Variants in GRIK2 observed in about 807,000 individuals in gnomAD.
GRIK2 encodes the protein glutamate receptor ionotropic, kainate 2.
In GRIK2, 32 loss-of-function variants were observed where a neutral mutation model predicts 100.3. The ratio of observed to expected loss-of-function variants is 0.32; its 90% CI spans 0.24 to 0.43. The LOEUF (loss-of-function observed/expected upper bound fraction) is 0.43, where lower values mean the gene tolerates loss of function less well. GRIK2 is among the 20% of genes least tolerant of loss of function. GRIK2 has a pLI of 1.00. For missense variants in GRIK2, 843 were observed against 1,114.9 expected, an observed-to-expected ratio of 0.76 and a Z score of 3.47; for synonymous variants, 417 against 389.4, an observed-to-expected ratio of 1.07 and a Z score of -0.83.
At chr6:101,429,003 T>G (rs1014266074) in intron 2 of GRIK2, among the ~76,000 whole-genome samples, 1 of 152,226 alleles carries the variant, frequency 6.6e-6, no homozygotes, top group Non-Finnish European at 1.5e-5. Context: ...ACTTTTTAAT[T>G]AACTACAACT....
In GRIK2 at chr6:101,695,672, A is replaced by T. The variant is rs189502621; in HGVS notation, c.951+9319A>T. ...ATATGCAAATGCTCTTTGACTTATG[A>T]CAGGATTGCATGTTTATAAACCCAT... On this transcript the variant is annotated intron_variant, in intron 7 of 16. Transcript: ENST00000369134. Among the ~76,000 whole-genome samples, 279 of 152,200 alleles carry T rather than the reference A, an allele frequency of 1.8e-3. 2 individuals carry two copies. The highest frequency in any genetic ancestry group is 6.1e-3 in the African/African-American group (255 of 41,544).
intron 2 of GRIK2, among the ~76,000 whole-genome samples, chr6:101,519,167 A>T (rs1017032110): frequency 6.6e-6 from 1 of 152,144 alleles, no homozygotes; most frequent in African/African-American, 2.4e-5. Flanking sequence ...AATTTCGGGT[A>T]TACTAGCATG....
chr6:102,055,055 C>T (rs551590257), intron 15 of GRIK2, among the ~76,000 whole-genome samples: 51 of 152,228 alleles, frequency 3.4e-4, no homozygotes, highest in Admixed American at 3.1e-3. Flanking sequence ...TTCTTTCTTA[C>T]TGTTTTACAA....
intron 2 of GRIK2, among the ~76,000 whole-genome samples, chr6:101,483,172 T>C (rs1772627417): frequency 6.6e-6 from 1 of 152,208 alleles, no homozygotes; most frequent in African/African-American, 2.4e-5. Flanking sequence ...TTTATTTTGT[T>C]TCTTCATAGA....
At chr6:101,928,684 A>T (rs1187576487) in intron 14 of GRIK2, 52 bp downstream of exon 14, 1 of 870,056 alleles carries the variant, frequency 1.1e-6, no homozygotes, top group Non-Finnish European at 2.0e-6. Context: ...TAGAGCGCAA[A>T]CTTCTCTCGA....
At chr6:101,702,741 A>G (rs1006042588) in intron 7 of GRIK2, among the ~76,000 whole-genome samples, 1 of 151,794 alleles carries the variant, frequency 6.6e-6, no homozygotes, top group African/African-American at 2.4e-5. Context: ...AGCTAGGGTT[A>G]TGGGAGAAAA....
rs1020356888 is a variant in GRIK2, at chr6:101,393,850, C to T, written c.-294+13C>T. Reference sequence around the variant, plus strand: ...CCCCTAGCTCCAGGTAAGGACTCCCCGGCTGTGGGCTGCACTCCGGGCTCC... The same window carrying T: ...CCCCTAGCTCCAGGTAAGGACTCCCTGGCTGTGGGCTGCACTCCGGGCTCC... On this transcript the variant is annotated intron_variant, in intron 1 of 16. Transcript: ENST00000369134. Among the ~76,000 whole-genome samples, 1 of 152,076 alleles carries T rather than the reference C, an allele frequency of 6.6e-6. No individual in the cohort carries two copies. Among genetic ancestry groups the T allele is most frequent in the Admixed American group, 6.6e-5 (1 of 15,250 alleles).
At chr6:101,421,355 T>G (rs922997106) in intron 2 of GRIK2, among the ~76,000 whole-genome samples, 1 of 152,186 alleles carries the variant, frequency 6.6e-6, no homozygotes, top group Non-Finnish European at 1.5e-5. Flanking sequence ...AGAAGTTGGC[T>G]TAGGGTTTAC....
chr6:101,922,604 AC>A (rs1789627000), intron 12 of GRIK2, among the ~76,000 whole-genome samples: 1 of 152,190 alleles, frequency 6.6e-6, no homozygotes, highest in South Asian at 2.1e-4. Flanking sequence ...AATATTTGCC[AC>A]CTGCTGGCAC....
Position 101,428,064 on chromosome 6 carries a change from T to A in GRIK2, c.115+28672T>A, listed in dbSNP as rs141924130. On this transcript the variant is annotated intron_variant, in intron 2 of 16. Transcript: ENST00000369134. ...TTTTCTTTAATTAGCTCATTAGGAATTAATATCTGTGTTTGAATTACAAAT... is the reference window on the plus strand; with the variant it reads ...TTTTCTTTAATTAGCTCATTAGGAAATAATATCTGTGTTTGAATTACAAAT... 9.7e-4 allele frequency among the ~76,000 whole-genome samples: 148 copies of A among 152,354 alleles called. 4 individuals are homozygous for A. The South Asian group carries it at 0.026, about 27-fold the overall frequency.
chr6:101,797,639 A>C (rs1780390800), intron 7 of GRIK2, among the ~76,000 whole-genome samples: 1 of 146,566 alleles, frequency 6.8e-6, no homozygotes, highest in Non-Finnish European at 1.5e-5. Flanking sequence ...ATATATTTAT[A>C]AAGTAAATAT....
chr6:101,723,557 A>C (rs1282587174), intron 7 of GRIK2, among the ~76,000 whole-genome samples: 1 of 152,090 alleles, frequency 6.6e-6, no homozygotes, highest in Non-Finnish European at 1.5e-5. Context: ...TACATTTTGC[A>C]CTACACTGCA....
intron 14 of GRIK2, among the ~76,000 whole-genome samples, chr6:102,002,898 GT>G (rs35898747): frequency 0.21 from 32,134 of 150,632 alleles, 3,551 homozygotes; most frequent in Admixed American, 0.26. Context: ...ATTCATCTAT[GT>G]TTAAATATTG....
intron 14 of GRIK2, among the ~76,000 whole-genome samples, chr6:101,995,745 TC>T (rs1474710930): frequency 1.3e-5 from 2 of 151,878 alleles, no homozygotes; most frequent in Non-Finnish European, 2.9e-5. Flanking sequence ...TGGCACATAA[TC>T]TTTCCAAATT....
chr6:101,720,821 T>G (rs1156359561), intron 7 of GRIK2, among the ~76,000 whole-genome samples: 2 of 152,096 alleles, frequency 1.3e-5, no homozygotes, highest in Non-Finnish European at 2.9e-5. Context: ...TTTATTTTAT[T>G]GCTGGATGAA....
intron 10 of GRIK2, among the ~76,000 whole-genome samples, chr6:101,849,020 A>C (rs1400499421): frequency 1.3e-5 from 2 of 152,030 alleles, no homozygotes; most frequent in African/African-American, 4.8e-5. Flanking sequence ...TTATCTAATA[A>C]AAATTTTTAG....
At position 101,964,851 on chromosome 6, in the gene GRIK2, C is replaced by T. The variant is rs372442048; in HGVS notation, c.2085+36219C>T. ...GGAGGACAGTTCTCTGTCTCCAGGT[C>T]ATGCAAGGCAGAAATGTAGAGTCAG... On this transcript the variant is annotated intron_variant, in intron 14 of 16. Coordinates refer to ENST00000369134, the MANE Select transcript of GRIK2 (RefSeq NM_021956.5). Among the ~76,000 whole-genome samples the T allele has an allele frequency of 3.9e-5, 6 of 152,200 alleles. No homozygotes were observed. In the South Asian group the frequency reaches 1.0e-3, roughly 26 times the overall value.
At chr6:101,553,145 T>G (rs544100135) in intron 2 of GRIK2, among the ~76,000 whole-genome samples, 1 of 152,138 alleles carries the variant, frequency 6.6e-6, no homozygotes. Context: ...AGAAAACAAT[T>G]GAGTACAATG....
At chr6:101,755,161 G>GTTTTTT (rs1157640683) in intron 7 of GRIK2, among the ~76,000 whole-genome samples, 41 of 102,944 alleles carry the variant, frequency 4.0e-4, no homozygotes, top group Non-Finnish European at 5.1e-4. Context: ...TTTCTTTTTG[G>GTTTTTT]TTTTTTTTTT....
Sources: gnomAD v4.1 joint callset for allele counts (sites outside exome capture counted in the v4.1 genomes callset) on GRCh38, gnomAD v4.1.1 for gene constraint, MANE v1.5 for transcripts, NCBI Gene and HGNC (gene_info 2026-07-23, HGNC 2026-07-21) for gene names.